The following EP300 variants were observed in gnomAD, a reference collection of about 807,000 sequenced individuals.
EP300 encodes the protein histone acetyltransferase p300.
A neutral mutation model predicts 264.0 loss-of-function variants in EP300; 31 were observed. The observed-to-expected ratio is 0.12, with a 90% CI of 0.09 to 0.16. The LOEUF is 0.16. Among genes scored for constraint, EP300 ranks in the 10% least tolerant of loss-of-function variants. EP300 has a pLI of 1.00. For synonymous variants in EP300, 1,340 were observed against 1,045.4 expected (o/e 1.28, Z -5.44); for missense variants, 2,766 against 3,052.9 (o/e 0.91, Z 2.21).
chr22:41,154,984 T>C lies in EP300; in HGVS notation c.3143-11T>C, dbSNP rs1434887475. 1.9e-6 allele frequency: 3 copies of C among 1,581,308 alleles called. No homozygotes were observed. Among genetic ancestry groups the C allele is most frequent in the Admixed American group, 1.7e-5 (1 of 59,952 alleles). The stretch of plus-strand genomic sequence containing the variant: ...TGGTAACTAATTTCAAATGCACTTT[T>C]TTTTTTTAAGTTTTCAAACCAGAAG... On this transcript the variant is annotated splice_polypyrimidine_tract_variant and intron_variant, in intron 16 of 30. Transcript: ENST00000263253.
In EP300 at chr22:41,126,069, T is replaced by G; in HGVS notation, c.906+29T>G. The stretch of plus-strand genomic sequence containing the variant: ...AGTACTAATCCATTACAGACTTGTT[T>G]TCAAACTGGCATTTTGACAAAAGAA... On this transcript the variant is annotated intron_variant, in intron 3 of 30. Coordinates refer to ENST00000263253, the MANE Select transcript of EP300 (RefSeq NM_001429.4). 3 of 1,609,588 alleles carry G rather than the reference T, an allele frequency of 1.9e-6. No homozygotes were observed. The East Asian group carries it at 6.7e-5, about 36-fold the overall frequency.
At chr22:41,171,836 C>G (rs907688765) in intron 27 of EP300, among the ~76,000 whole-genome samples, 4 of 152,176 alleles carry the variant, frequency 2.6e-5, no homozygotes, top group African/African-American at 9.6e-5. Context: ...TGGTCTCGAA[C>G]TCCTGACCTC....
chr22:41,152,026 A>G lies in EP300; in HGVS notation c.2997+14A>G, dbSNP rs751131486. 3.7e-5 allele frequency: 60 copies of G among 1,614,018 alleles called. No individual in the cohort carries two copies. The highest frequency in any genetic ancestry group is 1.6e-4 in the Middle Eastern group (1 of 6,084). On this transcript the variant is annotated intron_variant, in intron 15 of 30. Coordinates refer to ENST00000263253, the MANE Select transcript of EP300 (RefSeq NM_001429.4). ...GATATTTCAGAGGTGAGAGTAGGGC[A>G]ATTACTGTTTGATTTGGTTAGGACC...
At chr22:41,162,829 C>T (rs745864038) in intron 21 of EP300, 50 bp downstream of exon 21, 19 of 1,503,082 alleles carry the variant, frequency 1.3e-5, no homozygotes, top group Non-Finnish European at 1.5e-5. Context: ...TTTCTTTTTC[C>T]CTTTCATTCT....
chr22:41,146,871 A>G (rs1481816524), intron 11 of EP300, 55 bp downstream of exon 11: 22 of 1,451,018 alleles, frequency 1.5e-5, no homozygotes, highest in Middle Eastern at 2.1e-4. Flanking sequence ...GTACTGCAAG[A>G]TAATACTTGC....
At position 41,178,674 on chromosome 22, in the gene EP300, G is replaced by GC. The variant is rs754418509; in HGVS notation, c.6970dup (p.His2324ProfsTer55). ...TCCCTTCTCCACGGCCACAGTCCCAGCCCCCCCACTCCAGTCCTTCCCCAA... is the reference window on the plus strand; with the variant it reads ...TCCCTTCTCCACGGCCACAGTCCCAGCCCCCCCCACTCCAGTCCTTCCCCAA... On this transcript the variant is annotated frameshift_variant, in exon 31 of 31. Transcript: ENST00000263253. LOFTEE classifies it high-confidence loss of function. The GC allele has an allele frequency of 6.2e-7, 1 of 1,613,866 alleles. No individual in the cohort carries two copies. The highest frequency in any genetic ancestry group is 8.5e-7 in the Non-Finnish European group (1 of 1,179,974).
intron 20 of EP300, 143 bp downstream of exon 20, chr22:41,160,865 T>G (rs920855975): frequency 7.9e-6 from 6 of 762,586 alleles, no homozygotes; most frequent in Non-Finnish European, 1.3e-5. Context: ...CATATTAATT[T>G]AAATAAAAAT....
Position 41,147,937 on chromosome 22 carries a change from T to G in EP300, c.2232T>G (p.Ala744=), listed in dbSNP as rs1354973424. ...QHHGQLAQPG[A]LNPPMGYGPR... Reference sequence around the variant, plus strand: ...ATGGACAGTTGGCTCAACCTGGAGCTCTCAACCCGGTTAGTTTGACGTCTT... The same window carrying G: ...ATGGACAGTTGGCTCAACCTGGAGCGCTCAACCCGGTTAGTTTGACGTCTT... The change falls in exon 12 of 31, where the codon GCT becomes GCG. Residue 744 remains alanine (A), a synonymous_variant. Transcript: ENST00000263253. 6 of 1,603,742 alleles carry G rather than the reference T, an allele frequency of 3.7e-6. No homozygotes were observed. The highest frequency in any genetic ancestry group is 4.3e-6 in the Non-Finnish European group (5 of 1,174,550).
intron 1 of EP300, among the ~76,000 whole-genome samples, chr22:41,116,888 C>T (rs779183218): frequency 1.9e-4 from 29 of 152,036 alleles, no homozygotes; most frequent in East Asian, 3.9e-4. Context: ...TGGCAAGCTC[C>T]GCCTCTACTA....
At chr22:41,112,257 T>C (rs2058796444) in intron 1 of EP300, among the ~76,000 whole-genome samples, 1 of 151,594 alleles carries the variant, frequency 6.6e-6, no homozygotes, top group Non-Finnish European at 1.5e-5. Flanking sequence ...TGGCACTGTC[T>C]CTGCTCACTG....
intron 6 of EP300, among the ~76,000 whole-genome samples, chr22:41,135,135 C>T (rs888081181): frequency 2.6e-5 from 4 of 152,080 alleles, no homozygotes; most frequent in East Asian, 1.9e-4. Context: ...CTGCTGACTT[C>T]GTGATCCGCC....
At position 41,127,761 on chromosome 22, in the gene EP300, A is replaced by C; in HGVS notation, c.1168+13A>C. ...AAGTCTTGCCAAGGTAAGTGGACCC[A>C]CAGGGTTACTGTACTTAGCAATTTT... On this transcript the variant is annotated intron_variant, in intron 4 of 30. Coordinates refer to ENST00000263253, the MANE Select transcript of EP300 (RefSeq NM_001429.4). 1 of 1,614,110 alleles carries C rather than the reference A, an allele frequency of 6.2e-7. No individual in the cohort carries two copies. Among genetic ancestry groups the C allele is most frequent in the Non-Finnish European group, 8.5e-7 (1 of 1,180,048 alleles).
At position 41,178,027 on chromosome 22, in the gene EP300, A is replaced by T. The variant is rs771948378; in HGVS notation, c.6316A>T (p.Met2106Leu). ...ACAACCCATCCCTGGGCAGCCTGGC[A>T]TGCCCCAGGGGCAGCCAGGGCTACA... Reference protein sequence around the residue: ...NPQPIPGQPGMPQGQPGLQPP... With the variant: ...NPQPIPGQPGLPQGQPGLQPP... The change falls in exon 31 of 31, where the codon ATG becomes TTG. Residue 2106 changes from methionine (M) to leucine (L), a missense_variant. Transcript: ENST00000263253. 1 of 1,613,870 alleles carries T rather than the reference A, an allele frequency of 6.2e-7. No individual in the cohort carries two copies. The highest frequency in any genetic ancestry group is 1.1e-5 in the South Asian group (1 of 91,080).
At position 41,149,774 on chromosome 22, in the gene EP300, G is replaced by A. The variant is rs781326261; in HGVS notation, c.2393G>A (p.Ser798Asn). The change falls in exon 14 of 31, where the codon AGT becomes AAT. Residue 798 changes from serine to asparagine, a missense_variant. Physicochemically the swap from Ser to Asn is conservative, Grantham distance 46. Coordinates refer to ENST00000263253, the MANE Select transcript of EP300 (RefSeq NM_001429.4). ...QAPVSQAQMSSSSCPVNSPIM... is the reference protein window; with the variant it reads ...QAPVSQAQMSNSSCPVNSPIM... Reference sequence around the variant, plus strand: ...TTATTTTAACAGGCACAAATGTCTAGTTCTTCCTGCCCGGTGAACTCTCCT... The same window carrying A: ...TTATTTTAACAGGCACAAATGTCTAATTCTTCCTGCCCGGTGAACTCTCCT... 101 of 1,614,022 alleles carry A rather than the reference G, an allele frequency of 6.3e-5. 3 individuals carry two copies. In the Middle Eastern group the frequency reaches 8.2e-4, roughly 13 times the overall value.
chr22:41,145,432 TC>T (rs2059005147), intron 10 of EP300, among the ~76,000 whole-genome samples: 1 of 152,184 alleles, frequency 6.6e-6, no homozygotes, highest in African/African-American at 2.4e-5. Context: ...CAGCAGGTCT[TC>T]CTCTCCTATG....
chr22:41,172,737 C>T (rs1336443509), intron 28 of EP300, 74 bp downstream of exon 28: 11 of 1,499,206 alleles, frequency 7.3e-6, no homozygotes, highest in Non-Finnish European at 8.2e-6. Flanking sequence ...CTTAAACTTT[C>T]AATTGGGTTT....
At chr22:41,169,078 A>G (rs1448214513) in intron 25 of EP300, 13 of 670,042 alleles carry the variant, frequency 1.9e-5, no homozygotes, top group Middle Eastern at 3.9e-4. Context: ...GGTCATAGTA[A>G]TAAAGGATAT....
chr22:41,146,710 A>C, intron 10 of EP300, 29 bp from the exon 11 acceptor site: 1 of 1,606,886 alleles, frequency 6.2e-7, no homozygotes, highest in Non-Finnish European at 8.5e-7. Context: ...AGATGGTGCA[A>C]AGATACTTAT....
intron 1 of EP300, among the ~76,000 whole-genome samples, chr22:41,097,998 ATT>A (rs556679821): frequency 3.4e-4 from 50 of 147,580 alleles, no homozygotes; most frequent in South Asian, 1.1e-3. Context: ...CCAGCTAAAA[ATT>A]TTTTTTTTTT....
Sources: allele counts gnomAD v4.1 joint callset (sites outside exome capture counted in the v4.1 genomes callset), GRCh38; gene constraint gnomAD v4.1.1; transcripts MANE v1.5; gene names NCBI Gene and HGNC (gene_info 2026-07-23, HGNC 2026-07-21).